The following TENM2 variants were observed in gnomAD, a reference collection of about 807,000 sequenced individuals.
TENM2 encodes teneurin-2.
TENM2 carries 52 observed loss-of-function variants against 245.2 expected under a neutral mutation model. The observed-to-expected ratio is 0.21, with a 90% CI of 0.17 to 0.27. TENM2 has a LOEUF of 0.27. Ranked by LOEUF, TENM2 falls within the 10% of genes least tolerant of loss-of-function variation. The pLI, the probability that TENM2 is intolerant of heterozygous loss-of-function variation, is 1.00. For synonymous variants in TENM2, 1,363 were observed against 1,438.9 expected, an observed-to-expected ratio of 0.95 and a Z score of 1.19; for missense variants, 3,046 against 3,666.8, an observed-to-expected ratio of 0.83 and a Z score of 4.37.
chr5:167,178,112 C>T, the TENM2 span, among the ~76,000 whole-genome samples: 1 of 152,184 alleles, frequency 6.6e-6, no homozygotes, highest in Non-Finnish European at 1.5e-5. Flanking sequence ...CCTAAGTCCA[C>T]TTGGCAAGTG....
intron 25 of TENM2, among the ~76,000 whole-genome samples, chr5:168,235,539 G>A (rs1266295932): frequency 6.6e-6 from 1 of 152,154 alleles, no homozygotes; most frequent in African/African-American, 2.4e-5. Flanking sequence ...TTGTGGGCTG[G>A]GCACAGCCTG....
At chr5:168,172,304 A>G (rs562634238) in intron 13 of TENM2, among the ~76,000 whole-genome samples, 1 of 152,360 alleles carries the variant, frequency 6.6e-6, no homozygotes, top group Admixed American at 6.5e-5. Flanking sequence ...AGGGTCCCAA[A>G]ACAGGCAGTG....
At position 167,642,890 on chromosome 5, in the gene TENM2, A is replaced by G. The variant is rs116652116; in HGVS notation, c.503-233096A>G. On this transcript the variant is annotated intron_variant, in intron 2 of 28. Transcript: ENST00000518659. ...GAGAAAGGGGAACAGTGCAGGGATC[A>G]TGTCTTCTTTGGACGAGGGTGTTGG... is the stretch of plus-strand genomic sequence containing the variant. Among the ~76,000 whole-genome samples the G allele has an allele frequency of 2.6e-3, 403 of 152,308 alleles. 2 individuals carry two copies. Among genetic ancestry groups the G allele is most frequent in the Admixed American group, 4.2e-3 (64 of 15,300 alleles).
At position 168,262,647 on chromosome 5, in the gene TENM2, G is replaced by A. The variant is rs1220947556; in HGVS notation, c.8162G>A (p.Gly2721Glu). ...CAGAAAGCCAGGGACGGGAGAGAGG[G>A]GAGCCGCCTGTGGACTGAGGGCGAG... Residue 2721 changes from glycine (G) to glutamate (E), a missense_variant, in exon 29 of 29, where the codon GGG becomes GAG. Transcript: ENST00000518659. 2 of 1,602,234 alleles carry A rather than the reference G, an allele frequency of 1.2e-6. No homozygotes were observed.
chr5:168,027,080 G>A (rs2151936561), intron 5 of TENM2, among the ~76,000 whole-genome samples: 1 of 151,912 alleles, frequency 6.6e-6, no homozygotes, highest in South Asian at 2.1e-4. Flanking sequence ...GCTTGCATGT[G>A]CACCTGTCAG....
intron 12 of TENM2, among the ~76,000 whole-genome samples, chr5:168,132,045 T>A (rs1255824057): frequency 1.3e-5 from 2 of 151,930 alleles, no homozygotes; most frequent in Non-Finnish European, 2.9e-5. Context: ...CCCTATAATT[T>A]GGCCAAAACA....
intron 3 of TENM2, 28 bp from the exon 6 acceptor site, chr5:167,952,560 T>A (rs761770773): frequency 6.4e-7 from 1 of 1,565,766 alleles, no homozygotes; most frequent in Non-Finnish European, 8.7e-7. Context: ...TTGCAGACGC[T>A]AACAGTCATT....
intron 1 of TENM2, among the ~76,000 whole-genome samples, chr5:167,302,472 G>T (rs1755393679): frequency 6.6e-6 from 1 of 151,160 alleles, no homozygotes. Flanking sequence ...GAGGAAAGGG[G>T]TCAGGGTGGG....
chr5:168,036,733 A>G (rs1787740503), intron 5 of TENM2, among the ~76,000 whole-genome samples: 1 of 145,298 alleles, frequency 6.9e-6, no homozygotes, highest in Non-Finnish European at 1.5e-5. Flanking sequence ...GTATATATAT[A>G]CGTATGTGTA....
At chr5:167,690,088 G>A (rs1164526519) in intron 2 of TENM2, among the ~76,000 whole-genome samples, 1 of 139,444 alleles carries the variant, frequency 7.2e-6, no homozygotes, top group African/African-American at 2.7e-5. Context: ...GCGAAATTTA[G>A]GAAAAAAACA....
At chr5:168,118,412 G>A in exon 10 of TENM2, 3 of 1,611,148 alleles carry the variant, frequency 1.9e-6, no homozygotes, top group Non-Finnish European at 2.5e-6. Context: ...GATCCTTCCT[G>A]CGGGGGCCAC....
At chr5:167,985,217 G>C (rs1406555096) in intron 4 of TENM2, among the ~76,000 whole-genome samples, 1 of 152,172 alleles carries the variant, frequency 6.6e-6, no homozygotes, top group African/African-American at 2.4e-5. Flanking sequence ...TTCCTGGGGT[G>C]TTTCTGCCTC....
At chr5:167,736,174 G>A (rs529435734) in intron 2 of TENM2, among the ~76,000 whole-genome samples, 1 of 152,138 alleles carries the variant, frequency 6.6e-6, no homozygotes, top group Non-Finnish European at 1.5e-5. Flanking sequence ...GAGAAGTACA[G>A]AGTGAGGGGT....
chr5:167,240,545 T>G, the TENM2 span, among the ~76,000 whole-genome samples: 1 of 152,182 alleles, frequency 6.6e-6, no homozygotes, highest in East Asian at 1.9e-4. Flanking sequence ...ATTTATTGGC[T>G]GATAACAGAA....
chr5:167,240,857 A>G, the TENM2 span, among the ~76,000 whole-genome samples: 1 of 152,284 alleles, frequency 6.6e-6, no homozygotes, highest in Non-Finnish European at 1.5e-5. Flanking sequence ...GCATTGGGCT[A>G]AGCCTCGTGT....
chr5:167,557,809 C>T (rs1773346706), intron 2 of TENM2, among the ~76,000 whole-genome samples: 1 of 152,052 alleles, frequency 6.6e-6, no homozygotes, highest in African/African-American at 2.4e-5. Context: ...AGGACTGTCA[C>T]CCACAAGAGA....
intron 2 of TENM2, among the ~76,000 whole-genome samples, chr5:167,429,965 A>G (rs1028671252): frequency 6.6e-6 from 1 of 152,112 alleles, no homozygotes; most frequent in African/African-American, 2.4e-5. Flanking sequence ...ACCTGGGAGA[A>G]GATAGCATGG....
intron 2 of TENM2, among the ~76,000 whole-genome samples, chr5:167,417,186 A>T: frequency 6.6e-6 from 1 of 152,102 alleles, no homozygotes; most frequent in East Asian, 1.9e-4. Context: ...TCACTTCTTC[A>T]TTTCTGTGTC....
At chr5:168,090,812 T>C in intron 8 of TENM2, 43 bp downstream of exon 10, 1 of 1,550,816 alleles carries the variant, frequency 6.4e-7, no homozygotes, top group Non-Finnish European at 8.9e-7. Context: ...GAAGGGAAGA[T>C]GGAAATGTTC....
Sources: allele counts gnomAD v4.1 joint callset (sites outside exome capture counted in the v4.1 genomes callset), GRCh38; gene constraint gnomAD v4.1.1; transcripts MANE v1.5; gene names NCBI Gene and HGNC (gene_info 2026-07-23, HGNC 2026-07-21).